The following ZNF536 variants were observed in gnomAD, a reference collection of about 807,000 sequenced individuals.
ZNF536 encodes the protein zinc finger protein 536.
ZNF536 carries 13 observed loss-of-function variants against 84.5 expected under a neutral mutation model. That is an observed-to-expected ratio of 0.15 (90% CI 0.10 to 0.24). The LOEUF is 0.24. ZNF536 is among the 10% of genes least tolerant of loss of function. ZNF536 has a pLI of 1.00. For synonymous variants in ZNF536, 811 were observed against 742.5 expected (o/e 1.09, Z -1.50); for missense variants, 1,536 against 1,747.5 (o/e 0.88, Z 2.16).
chr19:30,362,735 T>C (rs1748539664), intron 3 of ZNF536, among the ~76,000 whole-genome samples: 1 of 152,116 alleles, frequency 6.6e-6, no homozygotes, highest in African/African-American at 2.4e-5. Flanking sequence ...CAAAGGACTG[T>C]TGGGCTTACC....
intron 1 of ZNF536, among the ~76,000 whole-genome samples, chr19:30,231,792 G>A (rs929053809): frequency 1.3e-5 from 2 of 152,060 alleles, no homozygotes; most frequent in African/African-American, 4.8e-5. Context: ...TGGTGATGGT[G>A]GTGGTGGTGA....
intron 1 of ZNF536, among the ~76,000 whole-genome samples, chr19:30,624,315 C>T (rs572299007): frequency 2.0e-5 from 3 of 152,156 alleles, no homozygotes; most frequent in African/African-American, 7.2e-5. Flanking sequence ...ACTGTGAGGA[C>T]CTGTGCCTGT....
intron 1 of ZNF536, among the ~76,000 whole-genome samples, chr19:30,666,677 G>T (rs1437268383): frequency 6.6e-6 from 1 of 151,828 alleles, no homozygotes; most frequent in African/African-American, 2.4e-5. Flanking sequence ...CGCGGATCTA[G>T]TTTCCCTTGC....
intron 1 of ZNF536, among the ~76,000 whole-genome samples, chr19:30,431,246 G>A (rs910640720): frequency 6.6e-6 from 1 of 152,084 alleles, no homozygotes; most frequent in African/African-American, 2.4e-5. Flanking sequence ...CTCCCAGGAG[G>A]CCAGCCCGGC....
intron 4 of ZNF536, among the ~76,000 whole-genome samples, chr19:30,553,675 C>G (rs2045862598): frequency 2.0e-5 from 3 of 152,200 alleles, no homozygotes; most frequent in African/African-American, 4.8e-5. Flanking sequence ...CATCTGTAAG[C>G]AGGCTGAGGG....
chr19:30,479,159 TTC>T (rs1422397394), intron 2 of ZNF536, among the ~76,000 whole-genome samples: 1 of 152,174 alleles, frequency 6.6e-6, no homozygotes, highest in Non-Finnish European at 1.5e-5. Flanking sequence ...CAGTTTACTT[TTC>T]TCTCTCTCAT....
chr19:30,592,360 C>T (rs917748129), intron 1 of ZNF536, among the ~76,000 whole-genome samples: 1 of 152,128 alleles, frequency 6.6e-6, no homozygotes, highest in Non-Finnish European at 1.5e-5. Flanking sequence ...CCCCTTCCGG[C>T]AACTTATTTG....
At position 30,444,356 on chromosome 19, in the gene ZNF536, A is replaced by T. The variant is rs376486642; in HGVS notation, c.794A>T (p.Glu265Val). The T allele has an allele frequency of 8.1e-6, 13 of 1,600,736 alleles. No individual in the cohort carries two copies. Among genetic ancestry groups the T allele is most frequent in the Non-Finnish European group, 1.1e-5 (13 of 1,178,804 alleles). ...TCGCCCAAGCCTGCCAGCGTGCAGG[A>T]GGACGCGGTGGCCCCGGCGGCGGGC... ...VPSPKPASVQ[E>V]DAVAPAAGFR... Residue 265 changes from glutamate to valine, a missense_variant, in exon 2 of 5, where the codon GAG becomes GTG. Physicochemically the swap from Glu to Val is moderately radical, Grantham distance 121. This residue lies in a region of ZNF536 where 138 missense variants were observed against 136.8 expected (regional missense o/e 1.01). Coordinates refer to ENST00000355537, the MANE Select transcript of ZNF536 (RefSeq NM_014717.3).
At chr19:30,463,164 C>G (rs2053232524) in intron 2 of ZNF536, among the ~76,000 whole-genome samples, 2 of 152,070 alleles carry the variant, frequency 1.3e-5, no homozygotes, top group Non-Finnish European at 2.9e-5. Context: ...ATGTGTGTTG[C>G]ATATCATGAT....
At chr19:30,262,847 T>G (rs574577701) in intron 1 of ZNF536, among the ~76,000 whole-genome samples, 1 of 152,280 alleles carries the variant, frequency 6.6e-6, no homozygotes, top group East Asian at 1.9e-4. Context: ...ATTTGGGACT[T>G]TCTGAGGACG....
rs1277080979 is a variant in ZNF536, at chr19:30,372,468, A to G, written c.-91A>G. The stretch of plus-strand genomic sequence containing the variant: ...GTTGTCATCATAGGATCTGGACTCA[A>G]GTGACCAAAACCTTGCTTGGATTTT... On this transcript the variant is annotated 5_prime_UTR_variant, in exon 1 of 5. Coordinates refer to ENST00000355537, the MANE Select transcript of ZNF536 (RefSeq NM_014717.3). 3 of 152,252 alleles carry G rather than the reference A, an allele frequency of 2.0e-5. No individual in the cohort carries two copies. The highest frequency in any genetic ancestry group is 4.4e-5 in the Non-Finnish European group (3 of 68,056). 9.4% of individuals were successfully genotyped at this position (152,252 alleles called of 1,614,324 possible). A position where few individuals can be genotyped will look rare whatever the true frequency, so the allele number is the denominator to read the frequency against.
rs75876890 is a variant in ZNF536, at chr19:30,667,270, A to G, written c.170-43487A>G. Among the ~76,000 whole-genome samples, 486 of 152,332 alleles carry G rather than the reference A, an allele frequency of 3.2e-3. 3 individuals carry two copies. The highest frequency in any genetic ancestry group is 0.011 in the African/African-American group (459 of 41,580). On this transcript the variant is annotated intron_variant, in intron 1 of 1. Coordinates refer to the ZNF536 transcript ENST00000592773. The stretch of plus-strand genomic sequence containing the variant: ...TTATCCCCAGCTTACAGAAGGGGAA[A>G]CTGAGGCTCAGAGGAGCAATCGCCT...
At chr19:30,657,366 G>A (rs1440735010) in intron 1 of ZNF536, among the ~76,000 whole-genome samples, 2 of 152,190 alleles carry the variant, frequency 1.3e-5, no homozygotes, top group African/African-American at 2.4e-5. Context: ...CACAGGCAAC[G>A]AGGCTTCAGG....
At chr19:30,471,149 G>A (rs561209626) in intron 2 of ZNF536, among the ~76,000 whole-genome samples, 17 of 152,272 alleles carry the variant, frequency 1.1e-4, no homozygotes, top group Admixed American at 4.6e-4. Flanking sequence ...TTCTTCTCAT[G>A]GTTAGACTGG....
Position 30,549,270 on chromosome 19 carries a change from C to T in ZNF536, c.3651C>T (p.Pro1217=), listed in dbSNP as rs201688634. 1.8e-5 allele frequency: 29 copies of T among 1,613,760 alleles called. No individual in the cohort carries two copies. The highest frequency in any genetic ancestry group is 5.5e-5 in the South Asian group (5 of 91,076). ...DSLQPTGTSQ[P]VQGLVSPLSQ... ...TGCAGCCCACAGGCACCTCCCAGCC[C>T]GTCCAGGGACTGGTCTCACCTTTAT... is the stretch of plus-strand genomic sequence containing the variant. The change falls in exon 4 of 5, where the codon CCC becomes CCT. Residue 1217 remains proline (P), a synonymous_variant. Coordinates refer to ENST00000355537, the MANE Select transcript of ZNF536 (RefSeq NM_014717.3).
intron 2 of ZNF536, among the ~76,000 whole-genome samples, chr19:30,529,049 A>C (rs1200147201): frequency 1.3e-5 from 2 of 151,960 alleles, no homozygotes. Context: ...GGAGGGGTGA[A>C]GGGACTTGCT....
At chr19:30,474,712 A>G (rs1204510610) in intron 2 of ZNF536, among the ~76,000 whole-genome samples, 1 of 152,208 alleles carries the variant, frequency 6.6e-6, no homozygotes, top group Non-Finnish European at 1.5e-5. Flanking sequence ...ACAGGAGCAG[A>G]TCATTTTTTA....
chr19:30,469,197 G>T (rs912306318), intron 2 of ZNF536, among the ~76,000 whole-genome samples: 1 of 152,162 alleles, frequency 6.6e-6, no homozygotes, highest in African/African-American at 2.4e-5. Flanking sequence ...GGTGGATCAC[G>T]AGGTCAGGAG....
chr19:30,685,978 C>A (rs888048617), intron 1 of ZNF536, among the ~76,000 whole-genome samples: 1 of 152,196 alleles, frequency 6.6e-6, no homozygotes, highest in Non-Finnish European at 1.5e-5. Context: ...GTGGGGAAGA[C>A]CCCAGTCTGT....
Sources: gnomAD v4.1 joint callset for allele counts (sites outside exome capture counted in the v4.1 genomes callset) on GRCh38, gnomAD v4.1.1 for gene constraint, gnomAD v4.1.1 regional missense constraint, MANE v1.5 for transcripts, NCBI Gene and HGNC (gene_info 2026-07-23, HGNC 2026-07-21) for gene names.